ZNF540: variants seen among roughly 807,000 people sequenced by gnomAD.
ZNF540 encodes CTD-3064H18.6.
Under a neutral mutation model 11.8 loss-of-function variants are expected in ZNF540, and 3 were observed. The observed-to-expected ratio is 0.25, with a 90% CI of 0.12 to 0.65. ZNF540 has a LOEUF of 0.65. Among genes scored for constraint, ZNF540 ranks in the 30% least tolerant of loss-of-function variants. The pLI is 0.83. For synonymous variants in ZNF540, 247 were observed against 259.0 expected (o/e 0.95, Z 0.45); for missense variants, 709 against 793.1 (o/e 0.89, Z 1.27).
At chr19:37,586,207 C>G (rs2147203240) in intron 1 of ZNF540, 1 of 154,110 alleles carries the variant, frequency 6.5e-6, no homozygotes, top group African/African-American at 2.4e-5. Flanking sequence ...AATTCCCAAC[C>G]AATTTTCAAA....
intron 1 of ZNF540, among the ~76,000 whole-genome samples, chr19:37,573,034 T>TTA (rs2043119628): frequency 6.6e-6 from 1 of 152,250 alleles, no homozygotes; most frequent in African/African-American, 2.4e-5. Flanking sequence ...TTCAATGTGA[T>TTA]ACATACTTTC....
At chr19:37,574,370 A>C (rs1168404894) in intron 1 of ZNF540, among the ~76,000 whole-genome samples, 1 of 152,156 alleles carries the variant, frequency 6.6e-6, no homozygotes, top group African/African-American at 2.4e-5. Context: ...CAACAAAAAC[A>C]GCCCCCTCCG....
chr19:37,575,059 AACAAT>A (rs1469112696), intron 1 of ZNF540, among the ~76,000 whole-genome samples: 3 of 152,216 alleles, frequency 2.0e-5, no homozygotes, highest in Non-Finnish European at 2.9e-5. Flanking sequence ...GAACAAACCT[AACAAT>A]ACAACACCCC....
chr19:37,563,376 A>G (rs2042740578), intron 1 of ZNF540: 1 of 152,072 alleles, frequency 6.6e-6, no homozygotes, highest in Non-Finnish European at 1.5e-5. Flanking sequence ...AATGGAATGT[A>G]GCCTCCGAGA....
At chr19:37,558,966 C>T (rs531566362) in intron 1 of ZNF540, among the ~76,000 whole-genome samples, 1 of 152,268 alleles carries the variant, frequency 6.6e-6, no homozygotes, top group Admixed American at 6.5e-5. Flanking sequence ...CCACCTGTCT[C>T]CCAAGTAGTT....
chr19:37,551,833 T>TCG (rs1555712949), intron 1 of ZNF540, among the ~76,000 whole-genome samples: 1 of 150,010 alleles, frequency 6.7e-6, no homozygotes, highest in African/African-American at 2.5e-5. Flanking sequence ...TCTGTGTGTG[T>TCG]GGGGGGGGTG....
chr19:37,599,850 TTTC>T (rs1600557197), intron 3 of ZNF540, 98 bp downstream of exon 3: 2 of 1,342,224 alleles, frequency 1.5e-6, no homozygotes, highest in Non-Finnish European at 1.0e-6. Flanking sequence ...ACTAGCTGAA[TTTC>T]TTCTCTCTTC....
At chr19:37,582,153 G>C (rs867313233) in intron 1 of ZNF540, among the ~76,000 whole-genome samples, 2 of 152,208 alleles carry the variant, frequency 1.3e-5, no homozygotes, top group Non-Finnish European at 1.5e-5. Flanking sequence ...TTAATTCACT[G>C]TCCCACTCTA....
chr19:37,587,870 G>A (rs57654288), intron 1 of ZNF540, among the ~76,000 whole-genome samples: 51,080 of 151,662 alleles, frequency 0.34, 8,997 homozygotes, highest in Non-Finnish European at 0.37. Flanking sequence ...TGTAGTCCCA[G>A]GGAGGCCGAG....
chr19:37,565,088 A>G (rs201776146), intron 1 of ZNF540: 36 of 1,606,344 alleles, frequency 2.2e-5, no homozygotes, highest in Non-Finnish European at 3.0e-5. Flanking sequence ...CTTACATTCA[A>G]AGGGTTTCTC....
At chr19:37,602,327 T>G (rs1234986214) in intron 4 of ZNF540, among the ~76,000 whole-genome samples, 3 of 152,186 alleles carry the variant, frequency 2.0e-5, no homozygotes, top group Non-Finnish European at 4.4e-5. Flanking sequence ...ATCGAGATGT[T>G]GAACAGAGAT....
chr19:37,578,861 C>T (rs1276135260), intron 1 of ZNF540, among the ~76,000 whole-genome samples: 1 of 152,208 alleles, frequency 6.6e-6, no homozygotes, highest in Non-Finnish European at 1.5e-5. Flanking sequence ...TTCTGTGTTC[C>T]TCTGGGGCAG....
chr19:37,613,623 C>T lies in ZNF540; in HGVS notation c.*360C>T, dbSNP rs1180071715. The T allele has an allele frequency of 2.5e-6, 1 of 396,218 alleles. No homozygotes were observed. Among genetic ancestry groups the T allele is most frequent in the Non-Finnish European group, 4.4e-6 (1 of 225,262 alleles). 24.5% of individuals were successfully genotyped at this position (396,218 alleles called of 1,614,324 possible). On this transcript the variant is annotated 3_prime_UTR_variant, in exon 5 of 5. Coordinates refer to ENST00000316433, the MANE Select transcript of ZNF540 (RefSeq NM_001172225.3). ...ACATGTATAATACAGCAACAACTAT[C>T]TGGCCCAAACTGCTTTGGATTAATA...
At chr19:37,556,729 G>A (rs1161117854) in intron 1 of ZNF540, among the ~76,000 whole-genome samples, 1 of 152,164 alleles carries the variant, frequency 6.6e-6, no homozygotes, top group Non-Finnish European at 1.5e-5. Flanking sequence ...CTTAGCTTAG[G>A]CAAGATAGGC....
At chr19:37,553,723 C>T (rs1295431721) in intron 1 of ZNF540, among the ~76,000 whole-genome samples, 2 of 144 alleles carry the variant, frequency 0.014, no homozygotes, top group East Asian at 0.12. Flanking sequence ...TATACCCTAT[C>T]GTATATTTGC....
At chr19:37,567,420 T>C (rs2042898853) in intron 1 of ZNF540, among the ~76,000 whole-genome samples, 1 of 152,212 alleles carries the variant, frequency 6.6e-6, no homozygotes, top group African/African-American at 2.4e-5. Context: ...TGGTTTACCC[T>C]TGTATTTAGA....
chr19:37,602,449 C>T (rs1332540408), intron 4 of ZNF540, among the ~76,000 whole-genome samples: 1 of 152,076 alleles, frequency 6.6e-6, no homozygotes, highest in African/African-American at 2.4e-5. Context: ...TTTATTGAAA[C>T]GTAGCCATAC....
chr19:37,588,923 G>A (rs917229859), intron 1 of ZNF540, among the ~76,000 whole-genome samples: 3 of 151,992 alleles, frequency 2.0e-5, no homozygotes, highest in Non-Finnish European at 4.4e-5. Context: ...AAATTGGCAG[G>A]GAGTGGTGGC....
At position 37,612,004 on chromosome 19, in the gene ZNF540, C is replaced by T. The variant is rs773024490; in HGVS notation, c.724C>T (p.Pro242Ser). The T allele has an allele frequency of 6.2e-7, 1 of 1,613,656 alleles. No individual in the cohort carries two copies. The highest frequency in any genetic ancestry group is 1.7e-5 in the Admixed American group (1 of 60,004). The change falls in exon 5 of 5, where the codon CCC becomes TCC. Residue 242 changes from proline (P) to serine (S), a missense_variant. Coordinates refer to ENST00000316433, the MANE Select transcript of ZNF540 (RefSeq NM_001172225.3). ...TCAGAGATTTCATACTGGTGAGAAACCCTATGAATGTCAAGAATGTGGGAA... is the reference window on the plus strand; with the variant it reads ...TCAGAGATTTCATACTGGTGAGAAATCCTATGAATGTCAAGAATGTGGGAA... Reference protein sequence around the residue: ...LHQRFHTGEKPYECQECGKTF... With the variant: ...LHQRFHTGEKSYECQECGKTF...
Sources: allele counts gnomAD v4.1 joint callset (sites outside exome capture counted in the v4.1 genomes callset), GRCh38; gene constraint gnomAD v4.1.1; transcripts MANE v1.5; gene names NCBI Gene and HGNC (gene_info 2026-07-23, HGNC 2026-07-21).